Variants in PLB1 observed in about 807,000 individuals in gnomAD.
The protein encoded by PLB1 is phospholipase B1, membrane-associated.
In PLB1, 242 loss-of-function variants were observed where a neutral mutation model predicts 227.4. That is an observed-to-expected ratio of 1.06 (90% CI 0.96 to 1.18). The LOEUF is 1.18. Among genes scored for constraint, PLB1 ranks in the 50% most tolerant of loss-of-function variants. The probability of loss-of-function intolerance (pLI) is 0.00; values close to 1 mark genes in which losing one functional copy is unlikely to be tolerated. For synonymous variants in PLB1, 757 were observed against 682.2 expected (o/e 1.11, Z -1.71); for missense variants, 1,858 against 1,816.3 (o/e 1.02, Z -0.42).
chr2:28,580,953 A>G (rs1466934866), intron 23 of PLB1, among the ~76,000 whole-genome samples: 8 of 152,116 alleles, frequency 5.3e-5, no homozygotes, highest in Non-Finnish European at 1.2e-4. Flanking sequence ...TCTTGGCATC[A>G]AAGTCACCAG....
chr2:28,591,314 G>T, intron 30 of PLB1, 143 bp downstream of exon 30: 1 of 999,126 alleles, frequency 1.0e-6, no homozygotes. Context: ...CTTCAGATGG[G>T]GTAGTGGGCA....
At chr2:28,627,016 A>G (rs1442065775) in intron 51 of PLB1, among the ~76,000 whole-genome samples, 1 of 152,192 alleles carries the variant, frequency 6.6e-6, no homozygotes, top group African/African-American at 2.4e-5. Flanking sequence ...GTAACTTCCA[A>G]AAGTTTTTAT....
At chr2:28,586,769 A>G (rs1680965963) in intron 26 of PLB1, among the ~76,000 whole-genome samples, 2 of 152,138 alleles carry the variant, frequency 1.3e-5, no homozygotes, top group Admixed American at 1.3e-4. Flanking sequence ...TCTATTTGAG[A>G]CAGGGTCTCA....
At chr2:28,628,735 G>A in intron 52 of PLB1, 107 bp downstream of exon 52, 1 of 1,101,022 alleles carries the variant, frequency 9.1e-7, no homozygotes, top group Non-Finnish European at 1.4e-6. Context: ...CCCGCCATGA[G>A]TGAGCACCTG....
At chr2:28,609,894 G>C (rs911856590) in intron 43 of PLB1, among the ~76,000 whole-genome samples, 1 of 152,034 alleles carries the variant, frequency 6.6e-6, no homozygotes, top group Non-Finnish European at 1.5e-5. Flanking sequence ...CAGGGGCTCA[G>C]ATTCTCATCA....
At chr2:28,593,923 A>T in intron 33 of PLB1, 169 bp downstream of exon 33, 1 of 730,806 alleles carries the variant, frequency 1.4e-6, no homozygotes. Flanking sequence ...TGGTGAGTGG[A>T]GAGGATATTT....
chr2:28,585,246 C>T (rs908578960), intron 25 of PLB1, among the ~76,000 whole-genome samples: 3 of 152,010 alleles, frequency 2.0e-5, no homozygotes, highest in Non-Finnish European at 2.9e-5. Context: ...ATTTCATTTT[C>T]AAGAGCAAAT....
chr2:28,608,595 A>C (rs926119407), intron 43 of PLB1, among the ~76,000 whole-genome samples: 1 of 152,144 alleles, frequency 6.6e-6, no homozygotes, highest in African/African-American at 2.4e-5. Context: ...TTTACAGACA[A>C]CTTTTGACTA....
At chr2:28,535,236 T>G (rs180804608) in intron 9 of PLB1, among the ~76,000 whole-genome samples, 26 of 152,388 alleles carry the variant, frequency 1.7e-4, no homozygotes, top group Non-Finnish European at 2.2e-4. Context: ...ATGATGTCCA[T>G]AAATTTAGCT....
intron 17 of PLB1, among the ~76,000 whole-genome samples, chr2:28,560,103 T>A (rs1195724564): frequency 6.6e-6 from 1 of 152,074 alleles, no homozygotes; most frequent in African/African-American, 2.4e-5. Context: ...GCAGACAACT[T>A]TCAGTTTATC....
At chr2:28,604,467 A>C (rs944694163) in intron 40 of PLB1, among the ~76,000 whole-genome samples, 188 bp from the exon 41 acceptor site, 5 of 152,220 alleles carry the variant, frequency 3.3e-5, no homozygotes, top group African/African-American at 1.2e-4. Context: ...CAAAACAAAA[A>C]GGTGACCCAA....
chr2:28,505,624 C>G (rs141867481), intron 1 of PLB1, among the ~76,000 whole-genome samples: 1 of 152,266 alleles, frequency 6.6e-6, no homozygotes, highest in East Asian at 1.9e-4. Flanking sequence ...AAAAGGATAC[C>G]TTTTCATTAC....
chr2:28,642,380 A>G (rs1690073181), intron 57 of PLB1, among the ~76,000 whole-genome samples: 1 of 152,184 alleles, frequency 6.6e-6, no homozygotes, highest in African/African-American at 2.4e-5. Flanking sequence ...GCAAGAACGC[A>G]CACGATCTGC....
chr2:28,640,902 C>G (rs375490239), intron 56 of PLB1, 25 bp from the exon 57 acceptor site: 2 of 1,601,894 alleles, frequency 1.2e-6, no homozygotes, highest in African/African-American at 1.3e-5. Context: ...TGGAGAGAAT[C>G]GAGGTGTCCT....
chr2:28,614,544 C>A (rs1428565601), intron 44 of PLB1, among the ~76,000 whole-genome samples: 2 of 152,092 alleles, frequency 1.3e-5, no homozygotes, highest in East Asian at 3.9e-4. Context: ...TTGTTTGGTT[C>A]AAGTCAATCA....
intron 26 of PLB1, 80 bp from the exon 27 acceptor site, chr2:28,589,370 G>A: frequency 1.9e-6 from 2 of 1,047,838 alleles, no homozygotes; most frequent in Middle Eastern, 2.0e-4. Context: ...GTTTAATTCT[G>A]TGTTGGAGAA....
chr2:28,534,011 C>T (rs1671351721), intron 9 of PLB1, among the ~76,000 whole-genome samples: 1 of 152,156 alleles, frequency 6.6e-6, no homozygotes, highest in Non-Finnish European at 1.5e-5. Flanking sequence ...CTTTGCAAAC[C>T]TCTTACATAT....
chr2:28,577,043 C>G (rs1679079307), intron 21 of PLB1, among the ~76,000 whole-genome samples: 1 of 152,188 alleles, frequency 6.6e-6, no homozygotes, highest in African/African-American at 2.4e-5. Flanking sequence ...ATACTACGTG[C>G]CAAGCACTGT....
chr2:28,608,113 G>T (rs1023056651), intron 43 of PLB1, among the ~76,000 whole-genome samples: 2 of 152,192 alleles, frequency 1.3e-5, no homozygotes, highest in African/African-American at 4.8e-5. Flanking sequence ...GCCCAATGGA[G>T]CCACTGCACT....
Sources: allele counts gnomAD v4.1 joint callset (sites outside exome capture counted in the v4.1 genomes callset), GRCh38; gene constraint gnomAD v4.1.1; transcripts MANE v1.5; gene names NCBI Gene and HGNC (gene_info 2026-07-23, HGNC 2026-07-21).